Variants in RPTOR observed in about 807,000 individuals in gnomAD.
RPTOR encodes the protein regulatory-associated protein of mTOR.
Under a neutral mutation model 169.9 loss-of-function variants are expected in RPTOR, and 21 were observed. That is an observed-to-expected ratio of 0.12 (90% CI 0.09 to 0.18). The LOEUF is 0.18. RPTOR is among the 10% of genes least tolerant of loss of function. The pLI is 1.00. For missense variants in RPTOR, 1,133 were observed against 1,855.9 expected (o/e 0.61, Z 7.16); for synonymous variants, 732 against 753.2 (o/e 0.97, Z 0.46).
intron 1 of RPTOR, among the ~76,000 whole-genome samples, chr17:80,546,784 T>G (rs1468026098): frequency 2.0e-5 from 3 of 152,168 alleles, no homozygotes; most frequent in Admixed American, 2.0e-4. Context: ...CTGGGCGCGG[T>G]GGCTCACGCC....
intron 4 of RPTOR, among the ~76,000 whole-genome samples, chr17:80,710,243 C>T (rs1045338019): frequency 5.3e-5 from 8 of 152,132 alleles, no homozygotes; most frequent in East Asian, 1.9e-4. Context: ...AATCCTCCTG[C>T]CTCAGCCTCC....
chr17:80,860,221 G>T lies in RPTOR; in HGVS notation c.1509+2321G>T, dbSNP rs902399048. 1.3e-5 allele frequency among the ~76,000 whole-genome samples: 2 copies of T among 152,214 alleles called. No individual in the cohort carries two copies. Among genetic ancestry groups the T allele is most frequent in the South Asian group, 4.1e-4 (2 of 4,830 alleles). The stretch of plus-strand genomic sequence containing the variant: ...CATCCTTAGCCCTGTCAGCCATGTC[G>T]CACTGGCCACCAGGACCTGCTGTGC... On this transcript the variant is annotated intron_variant, in intron 13 of 33. Transcript: ENST00000306801. The surrounding 1 kb of genome is among the most constrained non-coding windows in gnomAD (Gnocchi z 5.8).
At position 80,753,978 on chromosome 17, in the gene RPTOR, C is replaced by A; in HGVS notation, c.655-32C>A. 10 of 1,588,576 alleles carry A rather than the reference C, an allele frequency of 6.3e-6. No homozygotes were observed. The South Asian group carries it at 1.0e-4, about 16-fold the overall frequency. On this transcript the variant is annotated intron_variant, in intron 5 of 33. Transcript: ENST00000306801. ...TTGGTTGTGACCAGCAGCTAAATCA[C>A]ACTCTCTTTTCCCGAATGTTCTGCC...
intron 4 of RPTOR, among the ~76,000 whole-genome samples, chr17:80,725,159 T>C (rs2066320823): frequency 6.6e-6 from 1 of 152,220 alleles, no homozygotes; most frequent in African/African-American, 2.4e-5. Context: ...GGCGGGCTGC[T>C]GGGCTGCCCC....
intron 5 of RPTOR, among the ~76,000 whole-genome samples, chr17:80,739,648 G>A (rs933296621): frequency 5.3e-5 from 8 of 151,950 alleles, no homozygotes; most frequent in East Asian, 3.9e-4. Flanking sequence ...TCAGCTACAC[G>A]TCAATAAACA....
chr17:80,759,193 A>G (rs886663538), intron 6 of RPTOR, among the ~76,000 whole-genome samples: 7 of 152,008 alleles, frequency 4.6e-5, no homozygotes, highest in African/African-American at 1.4e-4. Flanking sequence ...CATCTGTAAA[A>G]AAAAGTAAAA....
At chr17:80,927,593 G>C (rs936971334) in intron 24 of RPTOR, among the ~76,000 whole-genome samples, 3 of 130,650 alleles carry the variant, frequency 2.3e-5, no homozygotes, top group African/African-American at 9.1e-5. Flanking sequence ...GAGGCATGTG[G>C]AAGGCCGTGT....
intron 2 of RPTOR, among the ~76,000 whole-genome samples, chr17:80,632,314 C>A (rs746120981): frequency 1.2e-4 from 18 of 152,208 alleles, no homozygotes; most frequent in Non-Finnish European, 2.1e-4. Context: ...TCATGCGGAT[C>A]CCTGTGTGTG....
intron 3 of RPTOR, among the ~76,000 whole-genome samples, chr17:80,690,307 A>G (rs941827004): frequency 1.4e-5 from 2 of 147,282 alleles, no homozygotes; most frequent in African/African-American, 2.5e-5. Context: ...TACTTTCTCT[A>G]AAGATAAGTA....
chr17:80,700,502 ATGATGG>A (rs1470419713), intron 3 of RPTOR, among the ~76,000 whole-genome samples: 20 of 100,984 alleles, frequency 2.0e-4, no homozygotes, highest in African/African-American at 4.9e-4. Flanking sequence ...GATGGTAGAG[ATGATGG>A]TGATGGTGAT....
At chr17:80,648,821 C>G (rs1212992710) in intron 3 of RPTOR, among the ~76,000 whole-genome samples, 1 of 152,056 alleles carries the variant, frequency 6.6e-6, no homozygotes, top group Non-Finnish European at 1.5e-5. Context: ...ATAGGGGGAA[C>G]CCAGTGGGAG....
At chr17:80,714,513 T>C (rs1211814659) in intron 4 of RPTOR, among the ~76,000 whole-genome samples, 1 of 152,106 alleles carries the variant, frequency 6.6e-6, no homozygotes, top group Admixed American at 6.5e-5. Context: ...TTCAAAATTA[T>C]GGAATATCTG....
chr17:80,693,724 C>A (rs1387946350), intron 3 of RPTOR, among the ~76,000 whole-genome samples: 3 of 152,218 alleles, frequency 2.0e-5, no homozygotes, highest in Admixed American at 6.5e-5. Context: ...GGTCAGCCAC[C>A]CCCTTCCACG....
At chr17:80,702,849 C>T (rs959194693) in intron 3 of RPTOR, among the ~76,000 whole-genome samples, 9 of 152,276 alleles carry the variant, frequency 5.9e-5, no homozygotes, top group African/African-American at 1.9e-4. Context: ...CAGGAGACAG[C>T]GAATGATTTT....
intron 3 of RPTOR, among the ~76,000 whole-genome samples, chr17:80,692,549 G>T (rs1486034715): frequency 6.6e-6 from 1 of 152,134 alleles, no homozygotes; most frequent in African/African-American, 2.4e-5. Flanking sequence ...TTGAACTCCT[G>T]ACCTCAGGTG....
At chr17:80,681,922 ATAT>A (rs1220091655) in intron 3 of RPTOR, among the ~76,000 whole-genome samples, 2 of 152,150 alleles carry the variant, frequency 1.3e-5, no homozygotes, top group African/African-American at 4.8e-5. Flanking sequence ...ATTTGTCTAA[ATAT>A]TCTCTCGGTG....
chr17:80,643,535 C>T (rs1252333634), intron 2 of RPTOR, among the ~76,000 whole-genome samples, 193 bp from the exon 3 acceptor site: 3 of 152,202 alleles, frequency 2.0e-5, no homozygotes, highest in East Asian at 1.9e-4. Context: ...CTGGCCTTCA[C>T]GGCGTGTCAG....
chr17:80,929,796 T>G (rs953259586), intron 24 of RPTOR, among the ~76,000 whole-genome samples: 7 of 152,212 alleles, frequency 4.6e-5, no homozygotes, highest in African/African-American at 1.7e-4. Flanking sequence ...CCTGCATGGC[T>G]TCCGGTCCCG....
intron 5 of RPTOR, among the ~76,000 whole-genome samples, chr17:80,736,822 T>C (rs2066437228): frequency 6.6e-6 from 1 of 152,224 alleles, no homozygotes; most frequent in South Asian, 2.1e-4. Flanking sequence ...GGAATTTGTG[T>C]GTGTGAGTTT....
Sources: gnomAD v4.1 joint callset for allele counts (sites outside exome capture counted in the v4.1 genomes callset) on GRCh38, gnomAD v4.1.1 for gene constraint, Gnocchi (gnomAD v3.1) non-coding constraint, MANE v1.5 for transcripts, NCBI Gene and HGNC (gene_info 2026-07-23, HGNC 2026-07-21) for gene names.